The following ALDH1L2 variants were observed in gnomAD, a reference collection of about 807,000 sequenced individuals.
ALDH1L2 encodes mitochondrial 10-formyltetrahydrofolate dehydrogenase.
Under a neutral mutation model 111.0 loss-of-function variants are expected in ALDH1L2, and 91 were observed. That is an observed-to-expected ratio of 0.82 (90% CI 0.69 to 0.98). The LOEUF is 0.98. ALDH1L2 is among the 50% of genes least tolerant of loss of function. The pLI is 0.00. For missense variants in ALDH1L2, 995 were observed against 1,126.8 expected (o/e 0.88, Z 1.67); for synonymous variants, 374 against 392.6 (o/e 0.95, Z 0.56).
rs1874111788 is a variant in ALDH1L2, at chr12:105,020,576, A to G, written c.*3848T>C. The G allele has an allele frequency of 6.6e-6, 1 of 152,248 alleles. No homozygotes were observed. The highest frequency in any genetic ancestry group is 1.5e-5 in the Non-Finnish European group (1 of 68,044). 9.4% of individuals were successfully genotyped at this position (152,248 alleles called of 1,614,324 possible). On this transcript the variant is annotated 3_prime_UTR_variant, in exon 23 of 23. Transcript: ENST00000258494. ...ACATTCTAATGGGAAAAGATCATTG[A>G]TTAATATACAACAGGTAGTGATAAG...
At chr12:105,034,446 A>G (rs774059119) in intron 18 of ALDH1L2, 48 bp from the exon 19 acceptor site, 2 of 1,532,760 alleles carry the variant, frequency 1.3e-6, no homozygotes, top group Admixed American at 1.8e-5. Context: ...TGAGAAGTCA[A>G]GATTCTCATA....
chr12:105,069,685 A>G (rs1050861221), intron 3 of ALDH1L2, among the ~76,000 whole-genome samples: 1 of 152,204 alleles, frequency 6.6e-6, no homozygotes, highest in Non-Finnish European at 1.5e-5. Flanking sequence ...TCACATTTAA[A>G]CCAAGTGTAG....
chr12:105,074,457 C>CAAAAAAAAAAAAAAA (rs1565974203), intron 1 of ALDH1L2, among the ~76,000 whole-genome samples: 18 of 93,654 alleles, frequency 1.9e-4, no homozygotes, highest in African/African-American at 6.7e-4. Flanking sequence ...GACTCTGTCT[C>CAAAAAAAAAAAAAAA]CAAAAAAAAA....
At chr12:105,056,685 T>TA (rs988675759) in intron 10 of ALDH1L2, among the ~76,000 whole-genome samples, 19 of 151,512 alleles carry the variant, frequency 1.3e-4, no homozygotes, top group African/African-American at 4.6e-4. Context: ...CCTATACTAT[T>TA]AAGTTGGTGT....
chr12:105,036,514 TTATATATATATATATATATATA>T (rs1182802302), intron 18 of ALDH1L2, among the ~76,000 whole-genome samples: 1,258 of 23,646 alleles, frequency 0.053, 90 homozygotes, highest in Non-Finnish European at 0.085. Context: ...TATATATATT[TTATATATATATATATATATATA>T]TATATATATA....
intron 18 of ALDH1L2, among the ~76,000 whole-genome samples, chr12:105,034,644 T>C (rs774624935): frequency 6.6e-6 from 1 of 152,164 alleles, no homozygotes; most frequent in South Asian, 2.1e-4. Flanking sequence ...TTTAAAAAAA[T>C]GTATGTGTAA....
chr12:105,032,204 G>A (rs912050887), intron 19 of ALDH1L2, among the ~76,000 whole-genome samples: 1 of 135,496 alleles, frequency 7.4e-6, no homozygotes, highest in African/African-American at 2.8e-5. Flanking sequence ...TTGAGGTGGA[G>A]TCTTATTTTG....
Position 105,068,777 on chromosome 12 carries a change from T to C in ALDH1L2, c.536A>G (p.Asn179Ser), listed in dbSNP as rs758930849. 7.5e-6 allele frequency: 12 copies of C among 1,606,700 alleles called. No individual in the cohort carries two copies. The highest frequency in any genetic ancestry group is 1.6e-4 in the Middle Eastern group (1 of 6,068). ...LLQRSCDVEP[N>S]DTVDALYNRF... ...ATTATAAAGTGCATCCACTGTATCA[T>C]TGGGTTCAACATCACATGATCTCTG... The change falls in exon 4 of 23, where the codon AAT (asparagine) becomes AGT (serine). Residue 179 changes from asparagine (N) to serine (S), a missense_variant. Asn to Ser is a conservative substitution (Grantham distance 46, BLOSUM62 1). Coordinates refer to ENST00000258494, the MANE Select transcript of ALDH1L2 (RefSeq NM_001034173.4).
chr12:105,066,598 A>G lies in ALDH1L2; in HGVS notation c.666T>C (p.Tyr222=), dbSNP rs1337031982. The change falls in exon 5 of 23, where the codon TAT becomes TAC. Residue 222 remains tyrosine, a synonymous_variant. Coordinates refer to ENST00000258494, the MANE Select transcript of ALDH1L2 (RefSeq NM_001034173.4). ...RIPQPEEGAT[Y]EGIQKKENAE... is the part of the protein sequence containing the mutation. ...CATTTTCCTTTTTCTGGATACCTTCATATGTTGCCCCTTCTTCTGGCTGGG... is the reference window on the plus strand; with the variant it reads ...CATTTTCCTTTTTCTGGATACCTTCGTATGTTGCCCCTTCTTCTGGCTGGG... 7 of 1,614,116 alleles carry G rather than the reference A, an allele frequency of 4.3e-6. No homozygotes were observed. The highest frequency in any genetic ancestry group is 1.1e-5 in the South Asian group (1 of 91,076).
At chr12:105,028,767 A>G (rs1288511059) in intron 21 of ALDH1L2, among the ~76,000 whole-genome samples, 1 of 152,224 alleles carries the variant, frequency 6.6e-6, no homozygotes, top group Non-Finnish European at 1.5e-5. Flanking sequence ...GTTTATGTCT[A>G]CAGCAATGAC....
At chr12:105,042,477 G>GGTTC (rs1369513545) in intron 15 of ALDH1L2, among the ~76,000 whole-genome samples, 1 of 152,084 alleles carries the variant, frequency 6.6e-6, no homozygotes, top group Non-Finnish European at 1.5e-5. Flanking sequence ...AAGTGACTTG[G>GGTTC]GTTCATGCTT....
At chr12:105,072,687 C>T (rs1397154164) in intron 2 of ALDH1L2, among the ~76,000 whole-genome samples, 2 of 152,122 alleles carry the variant, frequency 1.3e-5, no homozygotes, top group Non-Finnish European at 2.9e-5. Flanking sequence ...AAAAAATGTA[C>T]TCCAGGCAGG....
chr12:105,052,772 C>A (rs1876368754), intron 11 of ALDH1L2, 40 bp downstream of exon 11: 2 of 1,609,630 alleles, frequency 1.2e-6, no homozygotes, highest in Non-Finnish European at 1.7e-6. Context: ...ACTAAAAATC[C>A]ATGACCAGTG....
chr12:105,075,558 C>G (rs1395028961), intron 1 of ALDH1L2, among the ~76,000 whole-genome samples: 1 of 152,184 alleles, frequency 6.6e-6, no homozygotes, highest in Non-Finnish European at 1.5e-5. Context: ...GCACTCCAGC[C>G]TGGGCAACAA....
At chr12:105,060,865 G>T in intron 9 of ALDH1L2, 116 bp downstream of exon 9, 2 of 679,166 alleles carry the variant, frequency 2.9e-6, no homozygotes, top group Non-Finnish European at 2.5e-6. Flanking sequence ...TCATAGATAG[G>T]TATGATAAGG....
intron 12 of ALDH1L2, among the ~76,000 whole-genome samples, chr12:105,051,620 A>G (rs1242374295): frequency 2.0e-5 from 3 of 152,200 alleles, no homozygotes; most frequent in Non-Finnish European, 4.4e-5. Flanking sequence ...TGCCTGATGC[A>G]AGCAATACTA....
At chr12:105,038,706 T>C (rs1875338948) in intron 17 of ALDH1L2, among the ~76,000 whole-genome samples, 1 of 152,090 alleles carries the variant, frequency 6.6e-6, no homozygotes, top group African/African-American at 2.4e-5. Context: ...AAGTTATTCA[T>C]AGATAAAACA....
chr12:105,068,094 C>CATTGAATG (rs1270571311), intron 4 of ALDH1L2, among the ~76,000 whole-genome samples: 2 of 152,136 alleles, frequency 1.3e-5, no homozygotes, highest in Non-Finnish European at 2.9e-5. Flanking sequence ...ATGATACAAG[C>CATTGAATG]AAAGCACTGC....
rs1875128659 is a variant in ALDH1L2 at position 105,036,514 on chromosome 12, T to TATATA, written c.2145+1588_2145+1589insTATAT. On this transcript the variant is annotated intron_variant, in intron 18 of 22. Transcript: ENST00000258494. ...ATATTTATATATGTATATATATATT[T>TATATA]TATATATATATATATATATATATAT... Among the ~76,000 whole-genome samples, 8 of 23,654 alleles carry TATATA rather than the reference T, an allele frequency of 3.4e-4. 1 individual carries two copies. The highest frequency in any genetic ancestry group is 1.6e-3 in the Admixed American group (2 of 1,284). The allele number at this position is 23,654 out of a possible 152,430, so 15.5% of individuals were successfully genotyped here. A position where few individuals can be genotyped will look rare whatever the true frequency, so the allele number is the denominator to read the frequency against.
Sources: allele counts gnomAD v4.1 joint callset (sites outside exome capture counted in the v4.1 genomes callset), GRCh38; gene constraint gnomAD v4.1.1; transcripts MANE v1.5; gene names NCBI Gene and HGNC (gene_info 2026-07-23, HGNC 2026-07-21).